The following ANKRD30B variants were observed in gnomAD, a reference collection of about 807,000 sequenced individuals.
ANKRD30B encodes the protein ankyrin repeat domain 30B, also known as ankyrin repeat domain-containing protein 30B.
ANKRD30B carries 144 observed loss-of-function variants against 202.2 expected under a neutral mutation model. The ratio of observed to expected loss-of-function variants is 0.71; its 90% CI spans 0.62 to 0.82. The LOEUF (loss-of-function observed/expected upper bound fraction) is 0.82, where lower values mean the gene tolerates loss of function less well. Ranked by LOEUF, ANKRD30B falls within the 40% of genes least tolerant of loss-of-function variation. The pLI is 0.00. For missense variants in ANKRD30B, 1,487 were observed against 1,669.1 expected (o/e 0.89, Z 1.90); for synonymous variants, 508 against 561.3 (o/e 0.91, Z 1.34).
In ANKRD30B at chr18:14,791,456, A is replaced by G; in HGVS notation, c.1790A>G (p.Gln597Arg). 3.7e-6 allele frequency: 6 copies of G among 1,611,396 alleles called. No homozygotes were observed. The highest frequency in any genetic ancestry group is 5.1e-6 in the Non-Finnish European group (6 of 1,178,966). The part of the protein sequence containing the change: ...KDVYLPKATH[Q>R]KEFDTLSGKL... ...GTGTATTTACCCAAAGCTACACATCAAAAAGAATTCGATACCTTAAGTGGA... is the reference window on the plus strand; with the variant it reads ...GTGTATTTACCCAAAGCTACACATCGAAAAGAATTCGATACCTTAAGTGGA... The change falls in exon 16 of 44, where the codon CAA (glutamine) becomes CGA (arginine). Residue 597 changes from glutamine (Q) to arginine (R), a missense_variant. This residue lies in a region of ANKRD30B where 889 missense variants were observed against 841.4 expected (regional missense o/e 1.06). Coordinates refer to ENST00000690538, the MANE Select transcript of ANKRD30B (RefSeq NM_001367607.2).
At chr18:14,798,152 A>C (rs1568024139) in intron 20 of ANKRD30B, among the ~76,000 whole-genome samples, 1 of 150,532 alleles carries the variant, frequency 6.6e-6, no homozygotes, top group Non-Finnish European at 1.5e-5. Context: ...GACACAGACA[A>C]GATAGTGAAA....
chr18:14,833,463 C>T (rs71201735), intron 34 of ANKRD30B, among the ~76,000 whole-genome samples: 10 of 152,148 alleles, frequency 6.6e-5, no homozygotes, highest in African/African-American at 1.7e-4. Context: ...TTAGCCAGGA[C>T]GAAACTCATG....
At chr18:14,761,309 T>C (rs374726238) in intron 6 of ANKRD30B, among the ~76,000 whole-genome samples, 1 of 152,120 alleles carries the variant, frequency 6.6e-6, no homozygotes, top group Non-Finnish European at 1.5e-5. Context: ...CCAAGGAAGG[T>C]GCTGTAAGGA....
At chr18:14,764,624 G>T (rs866375801) in intron 7 of ANKRD30B, among the ~76,000 whole-genome samples, 3 of 152,010 alleles carry the variant, frequency 2.0e-5, no homozygotes, top group African/African-American at 7.2e-5. Flanking sequence ...TCCTGACCTC[G>T]TGATAGCCCC....
intron 16 of ANKRD30B, among the ~76,000 whole-genome samples, chr18:14,792,719 T>A (rs1968606783): frequency 9.3e-6 from 1 of 107,696 alleles, no homozygotes. Context: ...TTTATTACTA[T>A]GAGGCATCAA....
the ANKRD30B span, among the ~76,000 whole-genome samples, chr18:14,900,977 C>G: frequency 6.6e-6 from 1 of 152,154 alleles, no homozygotes; most frequent in African/African-American, 2.4e-5. Context: ...CAAACTGAAT[C>G]TTAACTAATG....
the ANKRD30B span, among the ~76,000 whole-genome samples, chr18:14,898,715 T>C: frequency 1.3e-5 from 2 of 152,246 alleles, no homozygotes; most frequent in African/African-American, 4.8e-5. Context: ...TCATTAATTG[T>C]AGGTTACCAG....
At chr18:14,837,089 A>G (rs1971208513) in intron 34 of ANKRD30B, 122 bp from the exon 35 acceptor site, 6 of 624,002 alleles carry the variant, frequency 9.6e-6, no homozygotes, top group Non-Finnish European at 1.4e-5. Flanking sequence ...ACAGATACAA[A>G]GTATGTTTTT....
At chr18:14,861,121 T>G in the ANKRD30B span, among the ~76,000 whole-genome samples, 1 of 152,186 alleles carries the variant, frequency 6.6e-6, no homozygotes, top group Non-Finnish European at 1.5e-5. Context: ...AAGAAATGTT[T>G]AAAGGAGTTT....
intron 30 of ANKRD30B, among the ~76,000 whole-genome samples, chr18:14,818,951 T>A (rs1190719214): frequency 6.6e-6 from 1 of 152,054 alleles, no homozygotes; most frequent in Non-Finnish European, 1.5e-5. Flanking sequence ...ACTTCCACAA[T>A]GGTTGAACTA....
chr18:14,767,207 G>GTC (rs1389453088), intron 7 of ANKRD30B, among the ~76,000 whole-genome samples: 6 of 151,894 alleles, frequency 4.0e-5, no homozygotes, highest in African/African-American at 1.5e-4. Context: ...TCTGTGTTGT[G>GTC]TCTCTCTCTC....
chr18:14,810,590 A>G (rs1013676799), intron 28 of ANKRD30B, among the ~76,000 whole-genome samples: 1 of 151,150 alleles, frequency 6.6e-6, no homozygotes, highest in African/African-American at 2.4e-5. Context: ...CTGAGAATCT[A>G]AAGAAAATCA....
At chr18:14,753,971 T>A (rs926405877) in intron 3 of ANKRD30B, among the ~76,000 whole-genome samples, 5 of 152,182 alleles carry the variant, frequency 3.3e-5, no homozygotes, top group Admixed American at 1.3e-4. Context: ...TAAAAATGGA[T>A]TATTGCATTT....
chr18:14,902,391 A>C, the ANKRD30B span, among the ~76,000 whole-genome samples: 1 of 152,308 alleles, frequency 6.6e-6, no homozygotes, highest in Admixed American at 6.5e-5. Flanking sequence ...GCAAAATCTG[A>C]GGGTGAATTG....
chr18:14,896,535 G>A, the ANKRD30B span, among the ~76,000 whole-genome samples: 1 of 149,662 alleles, frequency 6.7e-6, no homozygotes, highest in African/African-American at 2.5e-5. Context: ...TGAGTGTAGA[G>A]AAACTATTTG....
At chr18:14,788,545 T>TC (rs1308785604) in intron 15 of ANKRD30B, among the ~76,000 whole-genome samples, 46 of 150,240 alleles carry the variant, frequency 3.1e-4, no homozygotes, top group African/African-American at 1.1e-3. Flanking sequence ...CCCTCCCCGC[T>TC]CCCCCCACCC....
the ANKRD30B span, among the ~76,000 whole-genome samples, chr18:14,936,734 A>G: frequency 6.6e-6 from 1 of 152,118 alleles, no homozygotes; most frequent in East Asian, 1.9e-4. Context: ...CTGAAAGCCT[A>G]CTGCTCTAGG....
Position 14,851,875 on chromosome 18 carries a change from A to C in ANKRD30B, c.3931A>C (p.Ser1311Arg), listed in dbSNP as rs1598724236. The change falls in exon 42 of 44, where the codon AGT (serine) becomes CGT (arginine). Residue 1311 changes from serine (S) to arginine (R), a missense_variant. By Grantham distance (110) the Ser-to-Arg change is moderately radical. Transcript: ENST00000690538. ...TTCTGCTTTACAAGACCATGATCAAAGTGTCACATCAAGAAAAAACCAAGA... is the reference window on the plus strand; with the variant it reads ...TTCTGCTTTACAAGACCATGATCAACGTGTCACATCAAGAAAAAACCAAGA... ...LASALQDHDQSVTSRKNQELA... is the reference protein window; with the variant it reads ...LASALQDHDQRVTSRKNQELA... 1 of 1,589,098 alleles carries C rather than the reference A, an allele frequency of 6.3e-7. No homozygotes were observed. Among genetic ancestry groups the C allele is most frequent in the African/African-American group, 1.4e-5 (1 of 73,520 alleles).
At chr18:14,863,239 G>T in the ANKRD30B span, among the ~76,000 whole-genome samples, 1 of 116,480 alleles carries the variant, frequency 8.6e-6, no homozygotes, top group Non-Finnish European at 1.9e-5. Flanking sequence ...TGTTGAATGT[G>T]ATCTTAAACG....
Sources: allele counts gnomAD v4.1 joint callset (sites outside exome capture counted in the v4.1 genomes callset), GRCh38; gene constraint gnomAD v4.1.1; regional missense constraint gnomAD v4.1.1; transcripts MANE v1.5; gene names NCBI Gene and HGNC (gene_info 2026-07-23, HGNC 2026-07-21).